LTBP1: variants seen among roughly 807,000 people sequenced by gnomAD.
The protein encoded by LTBP1 is latent transforming growth factor beta binding protein 1, also known as latent-transforming growth factor beta-binding protein 1.
In LTBP1, 129 loss-of-function variants were observed where a neutral mutation model predicts 207.6. That is an observed-to-expected ratio of 0.62 (90% CI 0.54 to 0.72). The LOEUF is 0.72. Among genes scored for constraint, LTBP1 ranks in the 30% least tolerant of loss-of-function variants. LTBP1 has a pLI of 0.00. For missense variants in LTBP1, 2,281 were observed against 2,217.2 expected (o/e 1.03, Z -0.58); for synonymous variants, 963 against 833.7 (o/e 1.16, Z -2.67).
rs572037785 is a variant in LTBP1 at position 33,314,488 on chromosome 2, G to T, written c.3605-656G>T. On this transcript the variant is annotated intron_variant, in intron 23 of 33. Coordinates refer to ENST00000404816, the MANE Select transcript of LTBP1 (RefSeq NM_206943.4). ...TACCTGTGCCCTGGAGTTTGAGACT[G>T]CAGTGAGCCATGATCATGCACTGCA... 3.3e-5 allele frequency among the ~76,000 whole-genome samples: 5 copies of T among 152,300 alleles called. No individual in the cohort carries two copies. In the South Asian group the frequency reaches 1.0e-3, roughly 32 times the overall value.
intron 2 of LTBP1, among the ~76,000 whole-genome samples, chr2:32,953,986 A>G (rs1421297087): frequency 1.3e-5 from 2 of 152,124 alleles, no homozygotes; most frequent in African/African-American, 2.4e-5. Flanking sequence ...GGGTGGGGGT[A>G]ACTTGTGTGG....
intron 24 of LTBP1, among the ~76,000 whole-genome samples, chr2:33,337,050 A>G (rs1559032494): frequency 6.6e-6 from 1 of 152,228 alleles, no homozygotes; most frequent in Non-Finnish European, 1.5e-5. Flanking sequence ...CAAGATTTAC[A>G]TGACCCCAAC....
At chr2:33,067,350 A>T (rs2077563899) in intron 3 of LTBP1, among the ~76,000 whole-genome samples, 2 of 152,250 alleles carry the variant, frequency 1.3e-5, no homozygotes, top group African/African-American at 4.8e-5. Flanking sequence ...CTTAGATGCC[A>T]CCTAACATTG....
chr2:33,292,617 A>G (rs2093796259), intron 19 of LTBP1, among the ~76,000 whole-genome samples: 1 of 152,216 alleles, frequency 6.6e-6, no homozygotes, highest in Admixed American at 6.5e-5. Context: ...CAAACTGCCC[A>G]GTAGGCTTGT....
At chr2:33,202,022 AACAC>A (rs10558832) in intron 7 of LTBP1, among the ~76,000 whole-genome samples, 3,520 of 140,628 alleles carry the variant, frequency 0.025, 59 homozygotes, top group Middle Eastern at 0.052. Flanking sequence ...TTAGCACTGG[AACAC>A]ACACACACAC....
At chr2:33,075,582 T>C (rs1354797660) in intron 3 of LTBP1, among the ~76,000 whole-genome samples, 1 of 152,232 alleles carries the variant, frequency 6.6e-6, no homozygotes, top group Non-Finnish European at 1.5e-5. Context: ...CTTCCCACTT[T>C]CTTGGCAAGA....
intron 27 of LTBP1, 73 bp downstream of exon 27, chr2:33,360,852 C>T: frequency 7.4e-7 from 1 of 1,356,630 alleles, no homozygotes; most frequent in Non-Finnish European, 1.0e-6. Context: ...GAAATGATAA[C>T]ACTCATTCCC....
At position 33,254,868 on chromosome 2, in the gene LTBP1, T is replaced by TTTTTTTG. The variant is rs1558893423; in HGVS notation, c.2167+2030_2167+2031insGTTTTTT. The stretch of plus-strand genomic sequence containing the variant: ...CGGTGTTTGGTTTTTTTTTTTTTTT[T>TTTTTTTG]TTTTTTTTTTTTTTTGTATTTTCTA... On this transcript the variant is annotated intron_variant, in intron 11 of 33. Transcript: ENST00000404816. Among the ~76,000 whole-genome samples the TTTTTTTG allele has an allele frequency of 9.8e-4, 117 of 118,900 alleles. 1 individual carries two copies. The highest frequency in any genetic ancestry group is 1.7e-3 in the Non-Finnish European group (98 of 57,914). 78.0% of individuals were successfully genotyped at this position (118,900 alleles called of 152,430 possible).
intron 5 of LTBP1, among the ~76,000 whole-genome samples, chr2:33,154,264 A>G (rs538744485): frequency 5.9e-5 from 9 of 152,300 alleles, no homozygotes; most frequent in African/African-American, 2.2e-4. Flanking sequence ...GGTTTTTCGA[A>G]TATGTAACAC....
chr2:33,219,862 T>A (rs2090984320), intron 8 of LTBP1, among the ~76,000 whole-genome samples: 2 of 152,306 alleles, frequency 1.3e-5, no homozygotes, highest in Admixed American at 1.3e-4. Context: ...TCCTTTTATT[T>A]TTTTTTTAAT....
rs555960014 is a variant in LTBP1 at position 33,113,683 on chromosome 2, C to G, written c.1033+2932C>G. ...CTTGACATCCTATGTTGGGTGTTCTCTGGTCATTGGTAAAGGATATCTCTT... is the reference window on the plus strand; with the variant it reads ...CTTGACATCCTATGTTGGGTGTTCTGTGGTCATTGGTAAAGGATATCTCTT... On this transcript the variant is annotated intron_variant, in intron 4 of 33. Transcript: ENST00000404816. Among the ~76,000 whole-genome samples the G allele has an allele frequency of 2.6e-5, 4 of 152,330 alleles. No homozygotes were observed. The South Asian group carries it at 8.3e-4, about 32-fold the overall frequency.
chr2:33,027,999 A>G (rs192136648), intron 3 of LTBP1, among the ~76,000 whole-genome samples: 130 of 152,292 alleles, frequency 8.5e-4, no homozygotes, highest in Non-Finnish European at 1.4e-3. Context: ...TTGTTGTTTG[A>G]GAAAAACAGA....
intron 7 of LTBP1, among the ~76,000 whole-genome samples, chr2:33,194,950 T>A (rs2088376042): frequency 6.6e-6 from 1 of 152,222 alleles, no homozygotes; most frequent in African/African-American, 2.4e-5. Context: ...TTAAATGTAC[T>A]CTGCCTGTGC....
chr2:33,363,920 T>G (rs2094954399), intron 29 of LTBP1, among the ~76,000 whole-genome samples: 2 of 152,198 alleles, frequency 1.3e-5, no homozygotes, highest in African/African-American at 4.8e-5. Context: ...AAGGAAATAA[T>G]TTTAAAAGTT....
At chr2:33,342,024 T>C (rs2094632690) in intron 24 of LTBP1, among the ~76,000 whole-genome samples, 1 of 152,106 alleles carries the variant, frequency 6.6e-6, no homozygotes, top group East Asian at 1.9e-4. Context: ...GTGGTATAGA[T>C]GTGGCAGTGC....
chr2:33,319,183 A>T (rs964731634), intron 24 of LTBP1, among the ~76,000 whole-genome samples: 4 of 152,170 alleles, frequency 2.6e-5, no homozygotes, highest in Non-Finnish European at 5.9e-5. Context: ...GGATCACCTG[A>T]GGTCAGGAGT....
intron 3 of LTBP1, among the ~76,000 whole-genome samples, chr2:33,082,254 A>G (rs1422345030): frequency 2.6e-5 from 4 of 151,934 alleles, no homozygotes; most frequent in South Asian, 4.2e-4. Context: ...CCCTTACCAC[A>G]TGTCAGCCCC....
intron 7 of LTBP1, among the ~76,000 whole-genome samples, chr2:33,194,256 G>T (rs1394186022): frequency 6.6e-6 from 1 of 151,664 alleles, no homozygotes; most frequent in East Asian, 1.9e-4. Flanking sequence ...AAGTGCTGGG[G>T]TTACAGACGT....
At chr2:33,288,641 G>A (rs1434379768) in intron 19 of LTBP1, among the ~76,000 whole-genome samples, 2 of 152,112 alleles carry the variant, frequency 1.3e-5, no homozygotes, top group Non-Finnish European at 2.9e-5. Context: ...AGATCACAAG[G>A]TCAGGAGATC....
Sources: gnomAD v4.1 joint callset for allele counts (sites outside exome capture counted in the v4.1 genomes callset) on GRCh38, gnomAD v4.1.1 for gene constraint, MANE v1.5 for transcripts, NCBI Gene and HGNC (gene_info 2026-07-23, HGNC 2026-07-21) for gene names.